AAK1: variants seen among roughly 807,000 people sequenced by gnomAD.
AAK1 encodes the protein AP2-associated protein kinase 1.
AAK1 carries 37 observed loss-of-function variants against 116.0 expected under a neutral mutation model. That is an observed-to-expected ratio of 0.32 (90% CI 0.25 to 0.42). The LOEUF is 0.42. Ranked by LOEUF, AAK1 falls within the 10% of genes least tolerant of loss-of-function variation. The probability of loss-of-function intolerance (pLI) is 1.00; values close to 1 mark genes in which losing one functional copy is unlikely to be tolerated. For synonymous variants in AAK1, 458 were observed against 439.9 expected (o/e 1.04, Z -0.51); for missense variants, 919 against 1,170.6 (o/e 0.79, Z 3.14).
chr2:69,530,839 AT>A, intron 6 of AAK1, 133 bp from the exon 7 acceptor site: 1 of 640,704 alleles, frequency 1.6e-6, no homozygotes, highest in Non-Finnish European at 2.7e-6. Context: ...AGTATGAAAT[AT>A]TAGTAGAGAT....
Position 69,466,106 on chromosome 2 carries a change from G to C in AAK1, c.*9763C>G. On this transcript the variant is annotated 3_prime_UTR_variant, in exon 22 of 22. Transcript: ENST00000409085. ...CATTTGGAACCCTTGAGCTCCTGAA[G>C]GGAGCTATGGCAAAAACATCTGGCT... 10 of 1,290,822 alleles carry C rather than the reference G, an allele frequency of 7.7e-6. No individual in the cohort carries two copies. The highest frequency in any genetic ancestry group is 1.0e-5 in the Non-Finnish European group (10 of 988,870). 80.0% of individuals were successfully genotyped at this position (1,290,822 alleles called of 1,614,324 possible). A position where few individuals can be genotyped will look rare whatever the true frequency, so the allele number is the denominator to read the frequency against.
At chr2:69,515,758 T>C (rs1676556021) in intron 12 of AAK1, among the ~76,000 whole-genome samples, 1 of 152,134 alleles carries the variant, frequency 6.6e-6, no homozygotes, top group Admixed American at 6.5e-5. Flanking sequence ...CCGTATACTT[T>C]ACGTAGTTAT....
chr2:69,562,694 A>G (rs1214199582), intron 2 of AAK1, among the ~76,000 whole-genome samples: 1 of 152,166 alleles, frequency 6.6e-6, no homozygotes, highest in Non-Finnish European at 1.5e-5. Flanking sequence ...GATCAAGACC[A>G]TCCTGGCTAA....
chr2:69,516,470 A>T (rs767880683), intron 12 of AAK1, among the ~76,000 whole-genome samples: 19 of 152,358 alleles, frequency 1.2e-4, no homozygotes, highest in Non-Finnish European at 1.8e-4. Flanking sequence ...CCTAGAAACA[A>T]CAAGCAATCC....
At chr2:69,568,295 AC>A (rs1370799483) in intron 2 of AAK1, among the ~76,000 whole-genome samples, 2 of 152,162 alleles carry the variant, frequency 1.3e-5, no homozygotes, top group African/African-American at 4.8e-5. Context: ...AGTTTTCCAC[AC>A]TTACTGCTTT....
At chr2:69,565,741 C>A (rs1256928385) in intron 2 of AAK1, among the ~76,000 whole-genome samples, 3 of 152,098 alleles carry the variant, frequency 2.0e-5, no homozygotes, top group African/African-American at 7.2e-5. Context: ...GTGTACCATT[C>A]AGGTGGCAGA....
chr2:69,579,407 C>T (rs1385043066), intron 2 of AAK1, among the ~76,000 whole-genome samples: 2 of 152,056 alleles, frequency 1.3e-5, no homozygotes, highest in Non-Finnish European at 2.9e-5. Context: ...GGAGAGACCC[C>T]ATCTCTACAA....
chr2:69,542,557 T>C lies in AAK1; in HGVS notation c.500A>G (p.Gln167Arg). The change falls in exon 5 of 22, where the codon CAG (glutamine) becomes CGG (arginine). Residue 167 changes from glutamine (Q) to arginine (R), a missense_variant. Coordinates refer to ENST00000409085, the MANE Select transcript of AAK1 (RefSeq NM_014911.5). The part of the protein sequence containing the change: ...DTCEAVARLH[Q>R]CKTPIIHRDL... ...CCGGTGGATAATAGGAGTTTTGCAC[T>C]GATGCAGGCGGGCAACAGCTTCACA... 1 of 1,614,054 alleles carries C rather than the reference T, an allele frequency of 6.2e-7. No homozygotes were observed. The highest frequency in any genetic ancestry group is 8.5e-7 in the Non-Finnish European group (1 of 1,179,916).
At chr2:69,567,988 C>T (rs949357912) in intron 2 of AAK1, among the ~76,000 whole-genome samples, 9 of 152,204 alleles carry the variant, frequency 5.9e-5, no homozygotes, top group African/African-American at 2.2e-4. Flanking sequence ...ATAAATTGTG[C>T]TCATCCCTCT....
At position 69,464,777 on chromosome 2, in the gene AAK1, C is replaced by G. The variant is rs979763802; in HGVS notation, c.*11092G>C. On this transcript the variant is annotated 3_prime_UTR_variant, in exon 22 of 22. Transcript: ENST00000409085. ...GCCTGTATCTCTACACAGGCTCTGA[C>G]GTACATTCCACACCCATAGACAGTC... 6.6e-6 allele frequency: 1 copy of G among 152,598 alleles called. No homozygotes were observed. The highest frequency in any genetic ancestry group is 2.1e-4 in the South Asian group (1 of 4,836). The allele number at this position is 152,598 out of a possible 1,614,324, so 9.5% of individuals were successfully genotyped here. A position where few individuals can be genotyped will look rare whatever the true frequency, so the allele number is the denominator to read the frequency against.
intron 2 of AAK1, among the ~76,000 whole-genome samples, chr2:69,618,967 A>G (rs1674463641): frequency 6.6e-6 from 1 of 151,808 alleles, no homozygotes; most frequent in Admixed American, 6.6e-5. Context: ...TCAATCAACC[A>G]ATCAACCCCC....
rs765771850 is a variant in AAK1 at position 69,527,276 on chromosome 2, G to A, written c.915C>T (p.Tyr305=). Residue 305 remains tyrosine (Y), a synonymous_variant, in exon 9 of 22, where the codon TAC becomes TAT. Coordinates refer to ENST00000409085, the MANE Select transcript of AAK1 (RefSeq NM_014911.5). ...EPDPDKRPDI[Y]QVSYFSFKLL... is the part of the protein sequence containing the mutation. ...GCTTAAATGAGAAGTAGGACACCTG[G>A]TAAATATCCGGCCTTTTGTCAGGGT... 1 of 1,609,892 alleles carries A rather than the reference G, an allele frequency of 6.2e-7. No individual in the cohort carries two copies. Among genetic ancestry groups the A allele is most frequent in the Non-Finnish European group, 8.5e-7 (1 of 1,177,850 alleles).
At chr2:69,504,972 T>C (rs531014947) in intron 16 of AAK1, among the ~76,000 whole-genome samples, 3 of 152,328 alleles carry the variant, frequency 2.0e-5, no homozygotes, top group South Asian at 2.1e-4. Context: ...AATCAAAATG[T>C]ATAATTTTTT....
rs745346685 is a variant in AAK1, at chr2:69,514,663, C to T, written c.1584G>A (p.Met528Ile). Residue 528 changes from methionine to isoleucine, a missense_variant, in exon 13 of 22, where the codon ATG becomes ATA. Met to Ile is a conservative substitution (Grantham distance 10). Transcript: ENST00000409085. ...VSQGGSQQQL[M>I]QNFYQQQQQQ... The stretch of plus-strand genomic sequence containing the variant: ...GCTGCTGCTGCTGGTAGAAATTCTG[C>T]ATTAGCTGCTGTTGAGAGCCTCCTT... The T allele has an allele frequency of 3.7e-6, 6 of 1,613,072 alleles. No homozygotes were observed. The African/African-American group carries it at 5.3e-5, about 14-fold the overall frequency.
chr2:69,500,664 AATATATATATATATATATATAT>A (rs34635707), intron 16 of AAK1, among the ~76,000 whole-genome samples: 17 of 60,840 alleles, frequency 2.8e-4, no homozygotes, highest in Middle Eastern at 0.011. Flanking sequence ...AGTCCCTTAA[AATATATATATATATATATATAT>A]ATATATATAT....
chr2:69,599,624 C>T (rs956639590), intron 2 of AAK1, among the ~76,000 whole-genome samples: 3 of 152,126 alleles, frequency 2.0e-5, no homozygotes, highest in African/African-American at 4.8e-5. Flanking sequence ...TTATTGATAG[C>T]TCCATTAATG....
intron 16 of AAK1, among the ~76,000 whole-genome samples, chr2:69,498,325 A>G (rs1453311782): frequency 6.6e-6 from 1 of 151,786 alleles, no homozygotes; most frequent in Non-Finnish European, 1.5e-5. Context: ...ACTGGCTCTG[A>G]TTTCCTTCTT....
At chr2:69,547,912 T>C (rs1017746841) in intron 3 of AAK1, among the ~76,000 whole-genome samples, 2 of 152,116 alleles carry the variant, frequency 1.3e-5, no homozygotes, top group East Asian at 1.9e-4. Flanking sequence ...CACAATGGAA[T>C]GAAATATTGA....
At chr2:69,494,969 C>T (rs1216382548) in intron 17 of AAK1, among the ~76,000 whole-genome samples, 1 of 152,082 alleles carries the variant, frequency 6.6e-6, no homozygotes, top group Non-Finnish European at 1.5e-5. Flanking sequence ...ATATGAACAT[C>T]GCAGTCACTT....
Sources: gnomAD v4.1 joint callset for allele counts (sites outside exome capture counted in the v4.1 genomes callset) on GRCh38, gnomAD v4.1.1 for gene constraint, MANE v1.5 for transcripts, NCBI Gene and HGNC (gene_info 2026-07-23, HGNC 2026-07-21) for gene names.